Variants in DESI1 observed in about 807,000 individuals in gnomAD.
The protein encoded by DESI1 is desumoylating isopeptidase 1, also known as PPPDE peptidase domain containing 2.
A neutral mutation model predicts 22.4 loss-of-function variants in DESI1; 17 were observed. The ratio of observed to expected loss-of-function variants is 0.76; its 90% CI spans 0.52 to 1.14. DESI1 has a LOEUF of 1.14. Ranked by LOEUF, DESI1 falls within the 50% of genes most tolerant of loss-of-function variation. The pLI is 0.00. For missense variants in DESI1, 177 were observed against 208.9 expected (o/e 0.85, Z 0.94); for synonymous variants, 92 against 84.2 (o/e 1.09, Z -0.51).
intron 1 of DESI1, among the ~76,000 whole-genome samples, chr22:41,615,080 C>A (rs1360942300): frequency 2.0e-5 from 3 of 150,420 alleles, no homozygotes; most frequent in Non-Finnish European, 4.4e-5. Context: ...GGGCGGATCA[C>A]GAGGTCAGGA....
chr22:41,620,479 G>C (rs1246995224), intron 1 of DESI1, among the ~76,000 whole-genome samples: 2 of 152,152 alleles, frequency 1.3e-5, no homozygotes, highest in Admixed American at 1.3e-4. Flanking sequence ...GGGCTCTCGA[G>C]GGCTCGGTTT....
intron 1 of DESI1, among the ~76,000 whole-genome samples, chr22:41,610,080 T>TAAAAA (rs71184819): frequency 8.6e-6 from 1 of 115,610 alleles, no homozygotes. Context: ...AACTCTATCT[T>TAAAAA]AAAAAAAAAA....
At chr22:41,607,228 G>C (rs764670051) in intron 3 of DESI1, 34 bp downstream of exon 3, 1 of 1,537,548 alleles carries the variant, frequency 6.5e-7, no homozygotes, top group Non-Finnish European at 8.8e-7. Context: ...AGGAACCTGA[G>C]ACTGCAGGAC....
At chr22:41,604,898 T>C (rs947826528) in intron 3 of DESI1, among the ~76,000 whole-genome samples, 1 of 152,068 alleles carries the variant, frequency 6.6e-6, no homozygotes, top group African/African-American at 2.4e-5. Context: ...GCTGGCAGCA[T>C]AGTTAGGAGT....
rs745419622 is a variant in DESI1 at position 41,620,778 on chromosome 22, G to T, written c.62C>A (p.Ala21Asp). 4 of 1,612,224 alleles carry T rather than the reference G, an allele frequency of 2.5e-6. No homozygotes were observed. The highest frequency in any genetic ancestry group is 3.4e-6 in the Non-Finnish European group (4 of 1,179,218). The change falls in exon 1 of 6, where the codon GCC (alanine) becomes GAC (aspartate). Residue 21 changes from alanine to aspartate, a missense_variant. By Grantham distance (126) the Ala-to-Asp change is moderately radical. Transcript: ENST00000263256. Reference sequence around the variant, plus strand: ...CAGCATGATGGGGCTGAGCCGCCGGGCCAGGCCTTTGGACAGGTCGTACAC... The same window carrying T: ...CAGCATGATGGGGCTGAGCCGCCGGTCCAGGCCTTTGGACAGGTCGTACAC... ...LYVYDLSKGL[A>D]RRLSPIMLGK...
intron 1 of DESI1, among the ~76,000 whole-genome samples, chr22:41,614,705 T>C (rs1445609318): frequency 4.0e-5 from 6 of 150,560 alleles, no homozygotes; most frequent in South Asian, 2.1e-4. Flanking sequence ...CTGCCTCAGC[T>C]TCCCGAGTAG....
rs1424447583 is a variant in DESI1, at chr22:41,601,129, T to A, written c.475A>T (p.Ser159Cys). The A allele has an allele frequency of 6.2e-7, 1 of 1,613,312 alleles. No homozygotes were observed. The highest frequency in any genetic ancestry group is 1.7e-5 in the Admixed American group (1 of 59,960). The change falls in exon 6 of 6, where the codon AGC becomes TGC. Residue 159 changes from serine to cysteine, a missense_variant. Coordinates refer to ENST00000263256, the MANE Select transcript of DESI1 (RefSeq NM_015704.3). ...TGGCCGTTGGGTCTGCCCACGGAGC[T>A]CCCTCCTGGAGGCTGGATCTGAATG... ...DSIQIQPPGGSSVGRPNGQS is the reference protein window; with the variant it reads ...DSIQIQPPGGCSVGRPNGQS
chr22:41,606,842 C>T (rs893574709), intron 3 of DESI1, among the ~76,000 whole-genome samples: 22 of 148,296 alleles, frequency 1.5e-4, no homozygotes, highest in African/African-American at 5.0e-4. Context: ...TGTGATAATC[C>T]TGGGTTCTAG....
chr22:41,603,143 T>C (rs1480221478), intron 5 of DESI1, 116 bp downstream of exon 5: 4 of 1,496,706 alleles, frequency 2.7e-6, no homozygotes, highest in Non-Finnish European at 1.8e-6. Context: ...GAATCTGCCA[T>C]CAGGGCAGGC....
intron 3 of DESI1, among the ~76,000 whole-genome samples, chr22:41,605,922 T>C (rs2067476803): frequency 6.6e-6 from 1 of 151,908 alleles, no homozygotes; most frequent in African/African-American, 2.4e-5. Flanking sequence ...CGTAACCAGG[T>C]GAAGGATCAA....
chr22:41,618,346 G>C (rs1008549463), intron 1 of DESI1, among the ~76,000 whole-genome samples: 2 of 135,426 alleles, frequency 1.5e-5, no homozygotes, highest in African/African-American at 5.9e-5. Context: ...CTGGGCAACA[G>C]AGCAAGACTC....
At position 41,600,588 on chromosome 22, in the gene DESI1, G is replaced by C. The variant is rs1436282153; in HGVS notation, c.*509C>G. On this transcript the variant is annotated 3_prime_UTR_variant, in exon 6 of 6. Coordinates refer to ENST00000263256, the MANE Select transcript of DESI1 (RefSeq NM_015704.3). ...GGAAGGTGAGGGTTGTGGCTAAAGAGTTCACTTAGGTTAGGTTAGTCATCC... is the reference window on the plus strand; with the variant it reads ...GGAAGGTGAGGGTTGTGGCTAAAGACTTCACTTAGGTTAGGTTAGTCATCC... The C allele has an allele frequency of 1.3e-5, 2 of 156,734 alleles. No individual in the cohort carries two copies. The highest frequency in any genetic ancestry group is 2.4e-5 in the African/African-American group (1 of 41,478). 9.7% of individuals were successfully genotyped at this position (156,734 alleles called of 1,614,324 possible).
chr22:41,601,373 G>A (rs1307802754), intron 5 of DESI1, among the ~76,000 whole-genome samples, 183 bp from the exon 6 acceptor site: 1 of 152,208 alleles, frequency 6.6e-6, no homozygotes, highest in Non-Finnish European at 1.5e-5. Context: ...ACACACCAGT[G>A]TTCTTGGAGG....
chr22:41,600,430 A>G lies in DESI1; in HGVS notation c.*667T>C, dbSNP rs2067443437. ...AGGCAGGTTTCCCAAAATTGATGGC[A>G]GAAGATTGGCAATCCATCTAGGTGG... is the stretch of plus-strand genomic sequence containing the variant. On this transcript the variant is annotated 3_prime_UTR_variant, in exon 6 of 6. Coordinates refer to ENST00000263256, the MANE Select transcript of DESI1 (RefSeq NM_015704.3). The G allele has an allele frequency of 6.6e-6, 1 of 152,366 alleles. No homozygotes were observed. Among genetic ancestry groups the G allele is most frequent in the South Asian group, 2.1e-4 (1 of 4,834 alleles). The allele number at this position is 152,366 out of a possible 1,614,324, so 9.4% of individuals were successfully genotyped here. A position where few individuals can be genotyped will look rare whatever the true frequency, so the allele number is the denominator to read the frequency against.
chr22:41,605,919 A>T lies in DESI1; in HGVS notation c.180+1343T>A, dbSNP rs138534729. Reference sequence around the variant, plus strand: ...ATCTGAAGGATGGAGAGGCGTAACCAGGTGAAGGATCAAGAAGGTGTACTG... The same window carrying T: ...ATCTGAAGGATGGAGAGGCGTAACCTGGTGAAGGATCAAGAAGGTGTACTG... On this transcript the variant is annotated intron_variant, in intron 3 of 5. Transcript: ENST00000263256. 1.9e-3 allele frequency among the ~76,000 whole-genome samples: 287 copies of T among 152,304 alleles called. 4 individuals are homozygous for T. Among genetic ancestry groups the T allele is most frequent in the African/African-American group, 6.7e-3 (278 of 41,572 alleles).
chr22:41,607,696 G>A, intron 2 of DESI1, 144 bp downstream of exon 2: 2 of 979,812 alleles, frequency 2.0e-6, no homozygotes, highest in Non-Finnish European at 3.1e-6. Flanking sequence ...CAAAAGAACT[G>A]ATGAGAAGCA....
intron 1 of DESI1, among the ~76,000 whole-genome samples, chr22:41,608,621 G>A (rs1011873200): frequency 1.4e-4 from 21 of 152,178 alleles, no homozygotes; most frequent in Admixed American, 2.0e-4. Flanking sequence ...CCAAGGGGAG[G>A]AGCGGCCAAC....
intron 5 of DESI1, among the ~76,000 whole-genome samples, chr22:41,601,607 CAA>C (rs1231158794): frequency 3.9e-5 from 6 of 152,140 alleles, no homozygotes; most frequent in Admixed American, 2.0e-4. Context: ...AAAAAGAAGA[CAA>C]AGGGGTGAGG....
At chr22:41,610,770 G>C (rs2147044948) in intron 1 of DESI1, among the ~76,000 whole-genome samples, 1 of 152,168 alleles carries the variant, frequency 6.6e-6, no homozygotes, top group East Asian at 1.9e-4. Flanking sequence ...CTACTTGGGA[G>C]GCTGAGGCAG....
Sources: gnomAD v4.1 joint callset for allele counts (sites outside exome capture counted in the v4.1 genomes callset) on GRCh38, gnomAD v4.1.1 for gene constraint, MANE v1.5 for transcripts, NCBI Gene and HGNC (gene_info 2026-07-23, HGNC 2026-07-21) for gene names.